CFDP1: variants seen among roughly 807,000 people sequenced by gnomAD.
The protein encoded by CFDP1 is chromatin remodeling protein CFDP1, also known as heterochromatin-stabilizing protein CFDP1.
In CFDP1, 31 loss-of-function variants were observed where a neutral mutation model predicts 40.1. That is an observed-to-expected ratio of 0.77 (90% CI 0.58 to 1.04). The LOEUF (loss-of-function observed/expected upper bound fraction) is 1.04, where lower values mean the gene tolerates loss of function less well. Among genes scored for constraint, CFDP1 ranks in the 50% least tolerant of loss-of-function variants. The pLI, the probability that CFDP1 is intolerant of heterozygous loss-of-function variation, is 0.00. For synonymous variants in CFDP1, 167 were observed against 120.0 expected (o/e 1.39, Z -2.56); for missense variants, 423 against 343.4 (o/e 1.23, Z -1.83).
intron 5 of CFDP1, among the ~76,000 whole-genome samples, chr16:75,346,514 C>G (rs8063733): frequency 0.18 from 24,467 of 136,994 alleles, 2,172 homozygotes; most frequent in Middle Eastern, 0.25. Flanking sequence ...ACCTGGGAGA[C>G]GGAGCTTGCA....
intron 5 of CFDP1, among the ~76,000 whole-genome samples, chr16:75,323,363 A>G (rs2078379306): frequency 6.6e-6 from 1 of 151,644 alleles, no homozygotes; most frequent in South Asian, 2.1e-4. Context: ...TGGAGCTGCC[A>G]TCTCCTATGA....
chr16:75,367,152 G>A (rs1180676614), intron 5 of CFDP1, among the ~76,000 whole-genome samples: 2 of 125,426 alleles, frequency 1.6e-5, no homozygotes, highest in African/African-American at 3.0e-5. Context: ...TGACAGGAAC[G>A]AGACTCCATC....
At chr16:75,344,004 C>G (rs2078544742) in intron 5 of CFDP1, among the ~76,000 whole-genome samples, 1 of 152,180 alleles carries the variant, frequency 6.6e-6, no homozygotes, top group Admixed American at 6.5e-5. Flanking sequence ...TAGCAGGAAA[C>G]AGTTTCCCCC....
intron 1 of CFDP1, among the ~76,000 whole-genome samples, chr16:75,432,876 G>C (rs2079440023): frequency 6.6e-6 from 1 of 150,470 alleles, no homozygotes; most frequent in Non-Finnish European, 1.5e-5. Flanking sequence ...ACCAGGCGGA[G>C]AGCGGACAGC....
chr16:75,330,838 T>C (rs1255676672), intron 5 of CFDP1, among the ~76,000 whole-genome samples: 1 of 152,058 alleles, frequency 6.6e-6, no homozygotes, highest in Non-Finnish European at 1.5e-5. Context: ...TTACTAATTA[T>C]CAAGTTCCAT....
At chr16:75,349,009 G>T (rs1670111327) in intron 5 of CFDP1, among the ~76,000 whole-genome samples, 1 of 152,084 alleles carries the variant, frequency 6.6e-6, no homozygotes, top group Admixed American at 6.5e-5. Context: ...TGGGACTACA[G>T]GGGCATGCCA....
At chr16:75,344,944 A>T (rs1359591162) in intron 5 of CFDP1, among the ~76,000 whole-genome samples, 2 of 152,222 alleles carry the variant, frequency 1.3e-5, no homozygotes, top group African/African-American at 4.8e-5. Context: ...AAACAAAAAA[A>T]GAAGAAAGAA....
intron 5 of CFDP1, among the ~76,000 whole-genome samples, chr16:75,353,375 A>T (rs552915948): frequency 6.6e-6 from 1 of 152,326 alleles, no homozygotes; most frequent in Admixed American, 6.5e-5. Context: ...TTAGATATAT[A>T]TCAAAAATTT....
chr16:75,423,097 G>A (rs1010066559), intron 1 of CFDP1, among the ~76,000 whole-genome samples: 1 of 151,836 alleles, frequency 6.6e-6, no homozygotes, highest in East Asian at 2.0e-4. Context: ...TGGCTAACAC[G>A]GTGAAACCCC....
intron 1 of CFDP1, among the ~76,000 whole-genome samples, chr16:75,415,566 TA>T (rs2079195943): frequency 6.6e-6 from 1 of 152,224 alleles, no homozygotes; most frequent in Non-Finnish European, 1.5e-5. Flanking sequence ...TCCTGACTTC[TA>T]AAGTCACGGG....
At chr16:75,304,932 T>C (rs2078247237) in intron 6 of CFDP1, 92 bp downstream of exon 6, 2 of 1,327,036 alleles carry the variant, frequency 1.5e-6, no homozygotes, top group East Asian at 2.3e-5. Context: ...GAAAAGCTCC[T>C]GCTTGCTTAC....
chr16:75,384,691 T>C (rs1220177431), intron 5 of CFDP1, among the ~76,000 whole-genome samples: 1 of 151,748 alleles, frequency 6.6e-6, no homozygotes, highest in Non-Finnish European at 1.5e-5. Context: ...TTTGGAAAAC[T>C]GTAAATGTTC....
chr16:75,303,584 C>G (rs1279509188), intron 6 of CFDP1, among the ~76,000 whole-genome samples: 1 of 146,000 alleles, frequency 6.8e-6, no homozygotes, highest in Non-Finnish European at 1.5e-5. Context: ...GTCCTAGCTA[C>G]ATAGGAGGCC....
intron 1 of CFDP1, among the ~76,000 whole-genome samples, chr16:75,431,466 A>AAAAG (rs2079415402): frequency 6.7e-6 from 1 of 149,132 alleles, no homozygotes; most frequent in Non-Finnish European, 1.5e-5. Context: ...AAAAAAAAAA[A>AAAAG]AAAAAAAAAA....
chr16:75,402,603 T>C (rs1344220813), intron 4 of CFDP1, among the ~76,000 whole-genome samples: 5 of 152,218 alleles, frequency 3.3e-5, no homozygotes, highest in African/African-American at 1.2e-4. Context: ...TACAAATTCC[T>C]TCCTGTCATC....
intron 5 of CFDP1, among the ~76,000 whole-genome samples, chr16:75,365,944 A>G (rs2078710868): frequency 1.3e-5 from 2 of 152,232 alleles, no homozygotes; most frequent in African/African-American, 4.8e-5. Context: ...GTAGGAATGT[A>G]AAATGGTGTG....
At chr16:75,386,049 G>C (rs940195453) in intron 5 of CFDP1, among the ~76,000 whole-genome samples, 12 of 152,078 alleles carry the variant, frequency 7.9e-5, no homozygotes, top group African/African-American at 2.7e-4. Context: ...TTAAAAGTCT[G>C]TGATCCTAGC....
chr16:75,364,118 A>T (rs1391129978), intron 5 of CFDP1, among the ~76,000 whole-genome samples: 4 of 151,594 alleles, frequency 2.6e-5, no homozygotes, highest in South Asian at 2.1e-4. Context: ...AAGTGAAATT[A>T]AAAAAACAAA....
chr16:75,298,026 T>C (rs986384687), intron 6 of CFDP1, among the ~76,000 whole-genome samples: 1 of 152,242 alleles, frequency 6.6e-6, no homozygotes, highest in African/African-American at 2.4e-5. Context: ...CCACACCTGA[T>C]ATCTTTGCTT....
Sources: allele counts gnomAD v4.1 joint callset (sites outside exome capture counted in the v4.1 genomes callset), GRCh38; gene constraint gnomAD v4.1.1; transcripts MANE v1.5; gene names NCBI Gene and HGNC (gene_info 2026-07-23, HGNC 2026-07-21).